DHX16: variants seen among roughly 807,000 people sequenced by gnomAD.
The protein encoded by DHX16 is pre-mRNA-splicing factor ATP-dependent RNA helicase DHX16.
A neutral mutation model predicts 131.2 loss-of-function variants in DHX16; 81 were observed. The observed-to-expected ratio is 0.62, with a 90% CI of 0.52 to 0.74. The LOEUF (loss-of-function observed/expected upper bound fraction) is 0.74. Ranked by LOEUF, DHX16 falls within the 30% of genes least tolerant of loss-of-function variation. The probability of loss-of-function intolerance (pLI) is 0.00; values close to 1 mark genes in which losing one functional copy is unlikely to be tolerated. For synonymous variants in DHX16, 440 were observed against 520.2 expected (o/e 0.85, Z 2.10); for missense variants, 980 against 1,363.1 (o/e 0.72, Z 4.43).
intron 19 of DHX16, 63 bp downstream of exon 19, chr6:30,654,643 C>T: frequency 4.0e-6 from 6 of 1,489,784 alleles, no homozygotes; most frequent in Non-Finnish European, 4.5e-6. Flanking sequence ...GGGTTCTTAG[C>T]TTGCCAGGAC....
At chr6:30,658,542 CAA>C (rs538072025) in intron 12 of DHX16, among the ~76,000 whole-genome samples, 37 of 82,028 alleles carry the variant, frequency 4.5e-4, no homozygotes, top group Non-Finnish European at 5.7e-4. Flanking sequence ...GACTCCATCT[CAA>C]AAAAAAAAAA....
At position 30,659,481 on chromosome 6, in the gene DHX16, C is replaced by T; in HGVS notation, c.1998G>A (p.Gly666=). Residue 666 remains glycine, a synonymous_variant, in exon 12 of 20, where the codon GGG becomes GGA. Transcript: ENST00000376442. ...GGTTTCTCCAACTGACCTTTCGTGC[C>T]CCAGGTGGTGTGGGCTGGAAGATAC... ...QARIFQPTPP[G]ARKVVVATNI... The T allele has an allele frequency of 6.3e-7, 1 of 1,593,680 alleles. No homozygotes were observed. The highest frequency in any genetic ancestry group is 8.5e-7 in the Non-Finnish European group (1 of 1,170,442).
Position 30,656,095 on chromosome 6 carries a change from G to T in DHX16, c.2498+103C>A. 8.9e-7 allele frequency: 1 copy of T among 1,121,154 alleles called. No homozygotes were observed. Among genetic ancestry groups the T allele is most frequent in the Non-Finnish European group, 1.3e-6 (1 of 746,814 alleles). The allele number at this position is 1,121,154 out of a possible 1,614,324, so 69.5% of individuals were successfully genotyped here. A position where few individuals can be genotyped will look rare whatever the true frequency, so the allele number is the denominator to read the frequency against. On this transcript the variant is annotated intron_variant, in intron 16 of 19. Coordinates refer to ENST00000376442, the MANE Select transcript of DHX16 (RefSeq NM_003587.5). This position sits in a 1 kb window ranked among gnomAD's most constrained non-coding sequence, Gnocchi z 5.1. ...ATCTAATACTTTATTATGTGTTAAGGGATAGTATGATGAACAGAAAAAGAC... is the reference window on the plus strand; with the variant it reads ...ATCTAATACTTTATTATGTGTTAAGTGATAGTATGATGAACAGAAAAAGAC...
intron 1 of DHX16, 135 bp from the exon 2 acceptor site, chr6:30,671,409 G>A (rs557945006): frequency 4.9e-6 from 4 of 811,810 alleles, no homozygotes; most frequent in Non-Finnish European, 7.9e-6. Flanking sequence ...AGGCAATGGC[G>A]TGATCTCGGC....
chr6:30,671,382 G>A (rs986665224), intron 1 of DHX16, 108 bp from the exon 2 acceptor site: 5 of 1,061,192 alleles, frequency 4.7e-6, no homozygotes, highest in East Asian at 2.4e-5. Context: ...CTGCCCCCGC[G>A]GCCCGGCCCC....
rs1011507492 is a variant in DHX16, at chr6:30,665,056, C to T, written c.1125+15G>A. 2 of 1,613,800 alleles carry T rather than the reference C, an allele frequency of 1.2e-6. No homozygotes were observed. Among genetic ancestry groups the T allele is most frequent in the African/African-American group, 1.3e-5 (1 of 74,888 alleles). The stretch of plus-strand genomic sequence containing the variant: ...TACGGGTCTTCCTCAGAAAGTCTCC[C>T]AGCTCCCCTCTTACCTCATCACCCT... On this transcript the variant is annotated intron_variant, in intron 6 of 19. Coordinates refer to ENST00000376442, the MANE Select transcript of DHX16 (RefSeq NM_003587.5). This position sits in a 1 kb window ranked among gnomAD's most constrained non-coding sequence, Gnocchi z 4.8.
In DHX16 at chr6:30,655,553, G is replaced by C. The variant is rs1420762937; in HGVS notation, c.2543C>G (p.Ser848Cys). The change falls in exon 17 of 20, where the codon TCT becomes TGT. Residue 848 changes from serine to cysteine, a missense_variant. Ser to Cys is a moderately radical substitution (Grantham distance 112, BLOSUM62 -1). This residue lies in a region of DHX16 where 214 missense variants were observed against 271.2 expected (regional missense o/e 0.79). Coordinates refer to ENST00000376442, the MANE Select transcript of DHX16 (RefSeq NM_003587.5). ...TCGGTAGAAGATGGAGTTGTTGACA[G>C]AGAGCATGGCAGCCACTGTCAGGAT... Reference protein sequence around the residue: ...EEILTVAAMLSVNNSIFYRPK... With the variant: ...EEILTVAAMLCVNNSIFYRPK... 10 of 1,613,082 alleles carry C rather than the reference G, an allele frequency of 6.2e-6. No homozygotes were observed. The highest frequency in any genetic ancestry group is 8.5e-6 in the Non-Finnish European group (10 of 1,180,036).
At chr6:30,660,314 G>A in intron 9 of DHX16, 72 bp from the exon 10 acceptor site, 1 of 1,236,332 alleles carries the variant, frequency 8.1e-7, no homozygotes, top group East Asian at 2.5e-5. Flanking sequence ...GAGTTAACTG[G>A]ATGAGAGGGG....
chr6:30,672,087 T>C (rs371926372), intron 1 of DHX16, among the ~76,000 whole-genome samples: 31 of 151,618 alleles, frequency 2.0e-4, no homozygotes, highest in African/African-American at 6.0e-4. Context: ...TGAGAGAGGA[T>C]TGCTTGAGCT....
chr6:30,672,324 C>CA (rs575043757), intron 1 of DHX16, among the ~76,000 whole-genome samples: 6,660 of 113,660 alleles, frequency 0.059, 272 homozygotes, highest in African/African-American at 0.11. Context: ...CTGTGTCTCT[C>CA]AAAAAAAAAA....
chr6:30,660,242 G>A lies in DHX16; in HGVS notation c.1545C>T (p.Ser515=), dbSNP rs771771805. ...CGTGTGCCTCATCCACCATCACCAC[G>A]CTGGGGAGGGAATAGGAGAGCAATG... ...FLSEPDLASY[S]VVMVDEAHER... The change falls in exon 10 of 20, where the codon AGC becomes AGT. Residue 515 remains serine (S), a splice_region_variant and synonymous_variant. Coordinates refer to ENST00000376442, the MANE Select transcript of DHX16 (RefSeq NM_003587.5). 13 of 1,525,758 alleles carry A rather than the reference G, an allele frequency of 8.5e-6. No individual in the cohort carries two copies. The highest frequency in any genetic ancestry group is 4.6e-5 in the East Asian group (2 of 43,928). The allele number at this position is 1,525,758 out of a possible 1,614,324, so 94.5% of individuals were successfully genotyped here.
chr6:30,657,443 C>T (rs940650942), intron 12 of DHX16, among the ~76,000 whole-genome samples: 11 of 151,916 alleles, frequency 7.2e-5, no homozygotes, highest in Non-Finnish European at 1.6e-4. Flanking sequence ...AACGTGTATC[C>T]CTGCTTCTGC....
rs1194252781 is a variant in DHX16 at position 30,670,174 on chromosome 6, A to G, written c.666+236T>C. Among the ~76,000 whole-genome samples the G allele has an allele frequency of 6.6e-6, 1 of 152,160 alleles. No homozygotes were observed. Among genetic ancestry groups the G allele is most frequent in the Non-Finnish European group, 1.5e-5 (1 of 68,020 alleles). On this transcript the variant is annotated intron_variant, in intron 4 of 19. Transcript: ENST00000376442. The surrounding 1 kb of genome is among the most constrained non-coding windows in gnomAD (Gnocchi z 4.4). ...GAGTATATTTGATCCTAAAGTTAAGAGTCAAGGAGGACTTATGGGTAGCCT... is the reference window on the plus strand; with the variant it reads ...GAGTATATTTGATCCTAAAGTTAAGGGTCAAGGAGGACTTATGGGTAGCCT...
At chr6:30,667,685 G>A (rs1444991161) in intron 4 of DHX16, among the ~76,000 whole-genome samples, 1 of 151,984 alleles carries the variant, frequency 6.6e-6, no homozygotes, top group African/African-American at 2.4e-5. Context: ...AAAGGCTATT[G>A]GTAGAAAGGA....
rs1480044055 is a variant in DHX16, at chr6:30,660,033, T to C, written c.1754A>G (p.Lys585Arg). The C allele has an allele frequency of 1.9e-6, 3 of 1,612,442 alleles. No homozygotes were observed. The highest frequency in any genetic ancestry group is 2.5e-6 in the Non-Finnish European group (3 of 1,179,560). The stretch of plus-strand genomic sequence containing the variant: ...AGCCCATCCTCCCTGAGGGGGCACC[T>C]TGGTGTAGAAGATGTCCACAGGAAA... ...RRFPVDIFYT[K>R]APEADYLEAC... is the part of the protein sequence containing the mutation. The change falls in exon 10 of 20, where the codon AAG becomes AGG. Residue 585 changes from lysine (K) to arginine (R), a missense_variant and splice_region_variant. This residue lies in a region of DHX16 where 309 missense variants were observed against 537.1 expected (regional missense o/e 0.58). Coordinates refer to ENST00000376442, the MANE Select transcript of DHX16 (RefSeq NM_003587.5).
Position 30,654,686 on chromosome 6 carries a change from G to A in DHX16, c.2997+20C>T. The A allele has an allele frequency of 6.2e-7, 1 of 1,601,960 alleles. No homozygotes were observed. The highest frequency in any genetic ancestry group is 1.7e-5 in the Admixed American group (1 of 59,096). ...CTCTACATAGTCTCCACCTGCGTGG[G>A]CACAGGATGTTCTCCTCACCTGTCT... On this transcript the variant is annotated intron_variant, in intron 19 of 19. Coordinates refer to ENST00000376442, the MANE Select transcript of DHX16 (RefSeq NM_003587.5).
rs1306347748 is a variant in DHX16, at chr6:30,672,920, C to T, written c.-79G>A. On this transcript the variant is annotated 5_prime_UTR_variant, in exon 1 of 20. Transcript: ENST00000376442. ...TGCTGGGCCGGTCAGAGGCCTGGAG[C>T]CCTCGGCTGGAGCCTCAGCTTCGCA... 3 of 1,577,616 alleles carry T rather than the reference C, an allele frequency of 1.9e-6. No individual in the cohort carries two copies. In the Admixed American group the frequency reaches 5.6e-5, roughly 29 times the overall value.
chr6:30,656,881 C>A lies in DHX16; in HGVS notation c.2148+71G>T. On this transcript the variant is annotated intron_variant, in intron 13 of 19. Transcript: ENST00000376442. The surrounding 1 kb of genome is among the most constrained non-coding windows in gnomAD (Gnocchi z 5.1). ...TCCCGGTTCCCTAGGAAGCCCCCAC[C>A]CTGCTTCTGAGTTGGACCTTCTCTG... is the stretch of plus-strand genomic sequence containing the variant. 2 of 1,589,274 alleles carry A rather than the reference C, an allele frequency of 1.3e-6. No homozygotes were observed. The highest frequency in any genetic ancestry group is 2.3e-5 in the South Asian group (2 of 87,618).
At chr6:30,671,733 TTTTTA>T (rs1208477518) in intron 1 of DHX16, among the ~76,000 whole-genome samples, 1 of 152,018 alleles carries the variant, frequency 6.6e-6, no homozygotes, top group Non-Finnish European at 1.5e-5. Flanking sequence ...TGAATGGGGT[TTTTTA>T]TTTTTTTTTA....
Sources: allele counts gnomAD v4.1 joint callset (sites outside exome capture counted in the v4.1 genomes callset), GRCh38; gene constraint gnomAD v4.1.1; regional missense constraint gnomAD v4.1.1; non-coding constraint Gnocchi (gnomAD v3.1); transcripts MANE v1.5; gene names NCBI Gene and HGNC (gene_info 2026-07-23, HGNC 2026-07-21).